CFAP299: variants seen among roughly 807,000 people sequenced by gnomAD.
The protein encoded by CFAP299 is cilia and flagella associated protein 299, also known as cilia- and flagella-associated protein 299.
CFAP299 carries 21 observed loss-of-function variants against 27.0 expected under a neutral mutation model. The ratio of observed to expected loss-of-function variants is 0.78; its 90% CI spans 0.55 to 1.12. The LOEUF is 1.12. Among genes scored for constraint, CFAP299 ranks in the 50% most tolerant of loss-of-function variants. The pLI, the probability that CFAP299 is intolerant of heterozygous loss-of-function variation, is 0.00. For missense variants in CFAP299, 310 were observed against 276.6 expected, an observed-to-expected ratio of 1.12 and a Z score of -0.86; for synonymous variants, 104 against 98.1, an observed-to-expected ratio of 1.06 and a Z score of -0.36.
intron 3 of CFAP299, among the ~76,000 whole-genome samples, chr4:80,748,012 G>A (rs1339323068): frequency 2.0e-5 from 3 of 151,976 alleles, no homozygotes; most frequent in Non-Finnish European, 4.4e-5. Flanking sequence ...TGTCTTACAG[G>A]TACCTGAAAT....
rs1380185797 is a variant in CFAP299 at position 80,630,222 on chromosome 4, C to T, written c.333+47039C>T. On this transcript the variant is annotated intron_variant, in intron 3 of 5. Transcript: ENST00000358105. ...TACAAAAGCAGTATTTTTGTGTATA[C>T]GTTTTTCTTTTCTTGTGGTAGGGAG... Among the ~76,000 whole-genome samples, 5 of 152,188 alleles carry T rather than the reference C, an allele frequency of 3.3e-5. No individual in the cohort carries two copies. In the South Asian group the frequency reaches 8.3e-4, roughly 25 times the overall value.
At chr4:80,581,451 G>GATATATAT (rs1736159127) in intron 2 of CFAP299, among the ~76,000 whole-genome samples, 3 of 15,472 alleles carry the variant, frequency 1.9e-4, no homozygotes, top group African/African-American at 8.2e-4. Flanking sequence ...GATATTAAGT[G>GATATATAT]AGATATATAT....
At chr4:80,392,415 T>C (rs569779779) in intron 2 of CFAP299, among the ~76,000 whole-genome samples, 2 of 152,308 alleles carry the variant, frequency 1.3e-5, no homozygotes, top group East Asian at 3.9e-4. Flanking sequence ...CATCTTGAAT[T>C]GTAATTTGAA....
intron 3 of CFAP299, among the ~76,000 whole-genome samples, chr4:80,705,961 T>C (rs1466857601): frequency 1.3e-5 from 2 of 151,882 alleles, no homozygotes; most frequent in Non-Finnish European, 2.9e-5. Context: ...TTTAATTTAG[T>C]GAAATCTTCA....
intron 2 of CFAP299, among the ~76,000 whole-genome samples, chr4:80,531,594 A>G (rs1578560907): frequency 6.6e-6 from 1 of 152,310 alleles, no homozygotes; most frequent in East Asian, 1.9e-4. Context: ...AGCAACTGAT[A>G]GTCACCTATT....
intron 3 of CFAP299, among the ~76,000 whole-genome samples, chr4:80,840,125 C>A (rs1384218427): frequency 6.6e-6 from 1 of 152,034 alleles, no homozygotes; most frequent in East Asian, 1.9e-4. Flanking sequence ...AAGAAGTAAT[C>A]TTTTTATGAA....
At chr4:80,945,286 C>T (rs374264795) in intron 5 of CFAP299, among the ~76,000 whole-genome samples, 5 of 152,132 alleles carry the variant, frequency 3.3e-5, no homozygotes, top group South Asian at 2.1e-4. Context: ...TGGGGAGGAG[C>T]GTCATTCAGA....
At chr4:80,816,889 T>A (rs1729448050) in intron 3 of CFAP299, among the ~76,000 whole-genome samples, 1 of 152,080 alleles carries the variant, frequency 6.6e-6, no homozygotes, top group Non-Finnish European at 1.5e-5. Flanking sequence ...AGAAAGTTTA[T>A]GAATTTGTGT....
Position 80,484,643 on chromosome 4 carries a change from G to A in CFAP299, c.243-98450G>A, listed in dbSNP as rs1730721083. On this transcript the variant is annotated intron_variant, in intron 2 of 5. Transcript: ENST00000358105. ...ATCATATTCAGTAAACTGTTCAGAT[G>A]TATTGTTGTATTGAAAATATATTTT... is the stretch of plus-strand genomic sequence containing the variant. 2.0e-5 allele frequency among the ~76,000 whole-genome samples: 3 copies of A among 152,148 alleles called. No homozygotes were observed. In the South Asian group the frequency reaches 6.2e-4, roughly 32 times the overall value.
At chr4:80,693,379 G>A (rs1172990468) in intron 3 of CFAP299, among the ~76,000 whole-genome samples, 2 of 151,848 alleles carry the variant, frequency 1.3e-5, no homozygotes, top group East Asian at 1.9e-4. Flanking sequence ...AAAAAATGAT[G>A]AGTTTATGTC....
chr4:80,645,541 A>G (rs1487496779), intron 3 of CFAP299, among the ~76,000 whole-genome samples: 1 of 152,178 alleles, frequency 6.6e-6, no homozygotes, highest in Non-Finnish European at 1.5e-5. Flanking sequence ...ACACACACAC[A>G]TGCACATACA....
intron 2 of CFAP299, among the ~76,000 whole-genome samples, chr4:80,504,912 TATTA>T (rs1335490789): frequency 6.7e-6 from 1 of 148,320 alleles, no homozygotes; most frequent in Non-Finnish European, 1.5e-5. Flanking sequence ...ATGATATATA[TATTA>T]ATTGATAAAT....
intron 3 of CFAP299, among the ~76,000 whole-genome samples, chr4:80,723,697 A>G (rs1722978221): frequency 6.6e-6 from 1 of 152,106 alleles, no homozygotes; most frequent in East Asian, 1.9e-4. Flanking sequence ...TTTAAGCTAC[A>G]CAATTTAAAT....
At chr4:80,561,677 T>C (rs975601277) in intron 2 of CFAP299, among the ~76,000 whole-genome samples, 1 of 151,812 alleles carries the variant, frequency 6.6e-6, no homozygotes, top group Admixed American at 6.6e-5. Flanking sequence ...GAAGAATGCA[T>C]TGGAGTCCTT....
At chr4:80,573,573 T>C (rs1202399442) in intron 2 of CFAP299, among the ~76,000 whole-genome samples, 3 of 152,186 alleles carry the variant, frequency 2.0e-5, no homozygotes, top group African/African-American at 7.2e-5. Flanking sequence ...CAGTGTTTTC[T>C]TGTAGTAGTT....
intron 2 of CFAP299, among the ~76,000 whole-genome samples, chr4:80,519,975 T>C (rs1270022842): frequency 6.6e-6 from 1 of 152,126 alleles, no homozygotes; most frequent in East Asian, 1.9e-4. Flanking sequence ...TTAGTGAAGG[T>C]CAGGATGGGC....
At chr4:80,350,827 A>G (rs1372331058) in intron 1 of CFAP299, among the ~76,000 whole-genome samples, 1 of 151,780 alleles carries the variant, frequency 6.6e-6, no homozygotes, top group Non-Finnish European at 1.5e-5. Flanking sequence ...CAAATGGCTA[A>G]TGCTTGCGGG....
intron 2 of CFAP299, among the ~76,000 whole-genome samples, chr4:80,462,602 C>T (rs1729493635): frequency 6.6e-6 from 1 of 152,096 alleles, no homozygotes; most frequent in South Asian, 2.1e-4. Flanking sequence ...CTATTAATTG[C>T]TAGTCATACT....
In CFAP299 at chr4:80,689,056, A is replaced by C. The variant is rs368132640; in HGVS notation, c.333+105873A>C. On this transcript the variant is annotated intron_variant, in intron 3 of 5. Coordinates refer to ENST00000358105, the MANE Select transcript of CFAP299 (RefSeq NM_152770.3). ...ATGGGACTATGTGAAAAGACCAAAT[A>C]TACGTCTGATTGGTGTACCTGAAAG... 5.5e-4 allele frequency among the ~76,000 whole-genome samples: 84 copies of C among 152,324 alleles called. 1 individual carries two copies. The highest frequency in any genetic ancestry group is 1.0e-3 in the South Asian group (5 of 4,832).
Sources: gnomAD v4.1 joint callset for allele counts (sites outside exome capture counted in the v4.1 genomes callset) on GRCh38, gnomAD v4.1.1 for gene constraint, MANE v1.5 for transcripts, NCBI Gene and HGNC (gene_info 2026-07-23, HGNC 2026-07-21) for gene names.